The following ATP8A2 variants were observed in gnomAD, a reference collection of about 807,000 sequenced individuals.
ATP8A2 encodes the protein phospholipid-transporting ATPase IB.
In ATP8A2, 100 loss-of-function variants were observed where a neutral mutation model predicts 165.6. That is an observed-to-expected ratio of 0.60 (90% confidence interval 0.51 to 0.71). The LOEUF (loss-of-function observed/expected upper bound fraction) is 0.71, where lower values mean the gene tolerates loss of function less well. Ranked by LOEUF, ATP8A2 falls within the 30% of genes least tolerant of loss-of-function variation. The pLI is 0.00. For synonymous variants in ATP8A2, 543 were observed against 548.8 expected (o/e 0.99, Z 0.15); for missense variants, 1,227 against 1,479.5 (o/e 0.83, Z 2.80).
intron 6 of ATP8A2, among the ~76,000 whole-genome samples, chr13:25,536,110 T>C (rs907312765): frequency 6.6e-6 from 1 of 152,142 alleles, no homozygotes; most frequent in Non-Finnish European, 1.5e-5. Context: ...GAAATCGTTT[T>C]AATTTTATTT....
intron 25 of ATP8A2, among the ~76,000 whole-genome samples, chr13:25,751,983 A>G (rs1036138761): frequency 1.3e-5 from 2 of 151,270 alleles, no homozygotes; most frequent in African/African-American, 4.9e-5. Context: ...ATTCAACAAT[A>G]GGTAGTGAGG....
chr13:26,012,494 A>C, intron 35 of ATP8A2, 37 bp from the exon 36 acceptor site: 1 of 1,492,220 alleles, frequency 6.7e-7, no homozygotes, highest in African/African-American at 1.4e-5. Flanking sequence ...CCGAGTGTTC[A>C]GGTGACAAGA....
intron 33 of ATP8A2, among the ~76,000 whole-genome samples, chr13:25,902,584 CAAA>C (rs1011175525): frequency 2.7e-5 from 4 of 147,356 alleles, no homozygotes; most frequent in African/African-American, 5.1e-5. Flanking sequence ...AAAAAAAAAA[CAAA>C]AAAGAATTCC....
chr13:26,015,311 A>G (rs533381776), intron 36 of ATP8A2, among the ~76,000 whole-genome samples: 1 of 152,288 alleles, frequency 6.6e-6, no homozygotes, highest in South Asian at 2.1e-4. Context: ...CAGGATGGGC[A>G]TATAGCAGGT....
chr13:25,378,698 C>G (rs1380218262), intron 1 of ATP8A2, among the ~76,000 whole-genome samples: 1 of 152,124 alleles, frequency 6.6e-6, no homozygotes, highest in African/African-American at 2.4e-5. Flanking sequence ...AGTGAAGCAC[C>G]TCCTCCACAT....
chr13:25,583,414 G>C lies in ATP8A2; in HGVS notation c.2146+1457G>C, dbSNP rs575869020. 2.0e-5 allele frequency among the ~76,000 whole-genome samples: 3 copies of C among 152,230 alleles called. No homozygotes were observed. In the East Asian group the frequency reaches 5.8e-4, roughly 29 times the overall value. ...TAACCCCTCAAGTTAAAATTGAGCTGTAAAGTGGTAACCTTTCTTAGTTTT... is the reference window on the plus strand; with the variant it reads ...TAACCCCTCAAGTTAAAATTGAGCTCTAAAGTGGTAACCTTTCTTAGTTTT... On this transcript the variant is annotated intron_variant, in intron 23 of 36. Coordinates refer to ENST00000381655, the MANE Select transcript of ATP8A2 (RefSeq NM_016529.6).
At position 25,737,932 on chromosome 13, in the gene ATP8A2, T is replaced by C. The variant is rs1001081432; in HGVS notation, c.2385-31114T>C. On this transcript the variant is annotated intron_variant, in intron 25 of 36. Transcript: ENST00000381655. ...ATCTCCTGACCTCGTGATCCGCCCC[T>C]CTCGGCCTCCCAAAGTGCTGGGATT... 1.8e-4 allele frequency among the ~76,000 whole-genome samples: 27 copies of C among 152,210 alleles called. No homozygotes were observed. The Middle Eastern group carries it at 0.01, about 58-fold the overall frequency.
At chr13:25,456,998 C>A (rs1171624028) in intron 1 of ATP8A2, among the ~76,000 whole-genome samples, 1 of 152,162 alleles carries the variant, frequency 6.6e-6, no homozygotes, top group African/African-American at 2.4e-5. Flanking sequence ...AACAATCCCC[C>A]AAAAACTCAT....
chr13:25,766,803 C>T (rs2044500056), intron 25 of ATP8A2, among the ~76,000 whole-genome samples: 1 of 152,166 alleles, frequency 6.6e-6, no homozygotes. Flanking sequence ...TCAGAGGTGT[C>T]CAGTCTTGTT....
chr13:25,834,285 G>A (rs1008516924), intron 28 of ATP8A2, among the ~76,000 whole-genome samples: 5 of 152,150 alleles, frequency 3.3e-5, no homozygotes, highest in African/African-American at 1.2e-4. Flanking sequence ...GGGAAATAGC[G>A]AAAAATCTAT....
intron 2 of ATP8A2, among the ~76,000 whole-genome samples, chr13:25,528,853 G>C (rs954462963): frequency 1.4e-5 from 2 of 143,106 alleles, no homozygotes; most frequent in Admixed American, 1.4e-4. Flanking sequence ...GCACACATAT[G>C]CAACATGTGT....
chr13:26,004,382 A>T (rs754232966), intron 35 of ATP8A2, among the ~76,000 whole-genome samples: 30 of 152,022 alleles, frequency 2.0e-4, no homozygotes, highest in Non-Finnish European at 3.8e-4. Flanking sequence ...ACCTTACTAA[A>T]TTTACTAGTT....
chr13:25,902,949 ACAC>A (rs1360958782), intron 33 of ATP8A2, among the ~76,000 whole-genome samples: 2 of 151,438 alleles, frequency 1.3e-5, no homozygotes, highest in African/African-American at 4.9e-5. Context: ...GCACACACAC[ACAC>A]ACACACACAC....
chr13:25,991,911 G>GTTTT (rs796888984), intron 35 of ATP8A2, among the ~76,000 whole-genome samples: 1 of 142,172 alleles, frequency 7.0e-6, no homozygotes, highest in Non-Finnish European at 1.5e-5. Context: ...TTACTTTTAG[G>GTTTT]TTTTTTTTTT....
intron 2 of ATP8A2, among the ~76,000 whole-genome samples, chr13:25,475,268 G>A (rs562188378): frequency 1.1e-4 from 17 of 152,200 alleles, no homozygotes; most frequent in African/African-American, 3.4e-4. Context: ...GAGAATATGC[G>A]GTATTTGATT....
rs187519479 is a variant in ATP8A2, at chr13:25,969,121, T to C, written c.3377+442T>C. Among the ~76,000 whole-genome samples the C allele has an allele frequency of 7.1e-4, 108 of 152,334 alleles. 1 individual carries two copies. The highest frequency in any genetic ancestry group is 3.4e-3 in the Middle Eastern group (1 of 294). On this transcript the variant is annotated intron_variant, in intron 35 of 36. Coordinates refer to ENST00000381655, the MANE Select transcript of ATP8A2 (RefSeq NM_016529.6). ...TTCATGTAAACCTGTTACATTCCAC[T>C]TCAGCATATCTAAATGGGGGAGTAG...
intron 27 of ATP8A2, among the ~76,000 whole-genome samples, chr13:25,795,157 G>A (rs1489298056): frequency 6.6e-6 from 1 of 152,170 alleles, no homozygotes; most frequent in Non-Finnish European, 1.5e-5. Flanking sequence ...GTGAATAGTA[G>A]CAGGGAATTT....
At chr13:25,403,270 T>G (rs1202542576) in intron 1 of ATP8A2, among the ~76,000 whole-genome samples, 1 of 152,158 alleles carries the variant, frequency 6.6e-6, no homozygotes, top group Non-Finnish European at 1.5e-5. Context: ...ATCTTGATCT[T>G]CCCTGCCTCC....
chr13:25,640,367 A>G (rs2041485342), intron 24 of ATP8A2, among the ~76,000 whole-genome samples: 1 of 151,524 alleles, frequency 6.6e-6, no homozygotes, highest in African/African-American at 2.4e-5. Flanking sequence ...CAAGACTAAT[A>G]AAGAAGAAAA....
Sources: allele counts gnomAD v4.1 joint callset (sites outside exome capture counted in the v4.1 genomes callset), GRCh38; gene constraint gnomAD v4.1.1; transcripts MANE v1.5; gene names NCBI Gene and HGNC (gene_info 2026-07-23, HGNC 2026-07-21).